ARHGAP32: variants seen among roughly 807,000 people sequenced by gnomAD.
The protein encoded by ARHGAP32 is Rho GTPase activating protein 32, also known as rho GTPase-activating protein 32.
A neutral mutation model predicts 186.5 loss-of-function variants in ARHGAP32; 51 were observed. The observed-to-expected ratio is 0.27, with a 90% CI of 0.22 to 0.35. ARHGAP32 has a LOEUF of 0.35. Among genes scored for constraint, ARHGAP32 ranks in the 10% least tolerant of loss-of-function variants. ARHGAP32 has a pLI of 1.00. For synonymous variants in ARHGAP32, 950 were observed against 964.3 expected (o/e 0.99, Z 0.27); for missense variants, 2,186 against 2,623.5 (o/e 0.83, Z 3.64).
At chr11:129,006,013 T>C (rs1343779087) in intron 11 of ARHGAP32, among the ~76,000 whole-genome samples, 4 of 152,150 alleles carry the variant, frequency 2.6e-5, no homozygotes, top group Non-Finnish European at 4.4e-5. Flanking sequence ...CTGCTATTAA[T>C]ATATTCTGAT....
chr11:129,179,670 C>A (rs1944006305), intron 1 of ARHGAP32, among the ~76,000 whole-genome samples: 1 of 151,964 alleles, frequency 6.6e-6, no homozygotes, highest in East Asian at 1.9e-4. Flanking sequence ...TGGAAATCAT[C>A]ATTCTCAGTA....
chr11:129,153,643 A>C (rs957635640), intron 2 of ARHGAP32, among the ~76,000 whole-genome samples: 1 of 152,090 alleles, frequency 6.6e-6, no homozygotes, highest in Non-Finnish European at 1.5e-5. Context: ...GGTAAGGGAT[A>C]CCTATTCAAC....
chr11:129,181,553 C>CT (rs1229534013), intron 1 of ARHGAP32, among the ~76,000 whole-genome samples: 1 of 152,152 alleles, frequency 6.6e-6, no homozygotes, highest in Non-Finnish European at 1.5e-5. Flanking sequence ...TGTAAAGCCT[C>CT]TTAAAATACA....
chr11:129,264,398 T>C (rs1945364760), intron 1 of ARHGAP32, among the ~76,000 whole-genome samples: 1 of 152,200 alleles, frequency 6.6e-6, no homozygotes, highest in Non-Finnish European at 1.5e-5. Flanking sequence ...TATGTATATT[T>C]TACTGCAATA....
upstream of ARHGAP32, among the ~76,000 whole-genome samples, chr11:129,193,970 T>A (rs916810068): frequency 1.1e-4 from 16 of 150,984 alleles, no homozygotes; most frequent in Non-Finnish European, 2.9e-5. Context: ...AAAAATATAA[T>A]ACTCAGAGAT....
chr11:129,033,582 T>C (rs189775807), intron 11 of ARHGAP32, among the ~76,000 whole-genome samples: 28 of 152,318 alleles, frequency 1.8e-4, no homozygotes, highest in African/African-American at 6.0e-4. Context: ...TAAGGGCATA[T>C]TATGATAAAG....
At chr11:128,997,361 T>C (rs999633466) in intron 12 of ARHGAP32, among the ~76,000 whole-genome samples, 2 of 152,216 alleles carry the variant, frequency 1.3e-5, no homozygotes, top group African/African-American at 2.4e-5. Flanking sequence ...TCCACTGATA[T>C]TCTTTAAACA....
At chr11:129,259,469 A>G (rs1945294363) in intron 1 of ARHGAP32, among the ~76,000 whole-genome samples, 1 of 152,140 alleles carries the variant, frequency 6.6e-6, no homozygotes, top group Non-Finnish European at 1.5e-5. Context: ...TCTCTCACAC[A>G]CACACAAAAA....
At chr11:129,211,372 T>A (rs1362344629) in intron 1 of ARHGAP32, among the ~76,000 whole-genome samples, 1 of 152,186 alleles carries the variant, frequency 6.6e-6, no homozygotes, top group Non-Finnish European at 1.5e-5. Flanking sequence ...AACAATTGTA[T>A]AAAAATGTTT....
chr11:128,977,210 T>C (rs1022388192), intron 19 of ARHGAP32, among the ~76,000 whole-genome samples: 1 of 152,164 alleles, frequency 6.6e-6, no homozygotes, highest in Non-Finnish European at 1.5e-5. Context: ...GGAAAAAAAT[T>C]CTGTTGTTTT....
At chr11:129,243,102 T>C (rs1945042114) in intron 1 of ARHGAP32, among the ~76,000 whole-genome samples, 1 of 152,192 alleles carries the variant, frequency 6.6e-6, no homozygotes, top group African/African-American at 2.4e-5. Flanking sequence ...AAATGAATGT[T>C]TCACTGGCAA....
chr11:129,017,354 A>C (rs1254250846), intron 11 of ARHGAP32, among the ~76,000 whole-genome samples: 1 of 151,422 alleles, frequency 6.6e-6, no homozygotes, highest in East Asian at 1.9e-4. Context: ...CTCAGCAGGC[A>C]GGAGAATCAT....
chr11:129,064,312 C>T (rs1382283788), intron 8 of ARHGAP32, among the ~76,000 whole-genome samples: 1 of 152,046 alleles, frequency 6.6e-6, no homozygotes, highest in African/African-American at 2.4e-5. Context: ...AGATTCAATA[C>T]TTTTTCCAAG....
At chr11:128,980,527 C>A (rs1256540956) in intron 18 of ARHGAP32, 26 bp downstream of exon 18, 1 of 1,558,014 alleles carries the variant, frequency 6.4e-7, no homozygotes. Context: ...AAATCATATC[C>A]CAAAATAGGA....
chr11:129,020,751 C>T (rs1456345304), intron 11 of ARHGAP32, among the ~76,000 whole-genome samples: 1 of 152,050 alleles, frequency 6.6e-6, no homozygotes, highest in Non-Finnish European at 1.5e-5. Context: ...CCTTGGGCTT[C>T]ATTCCCCACT....
intron 1 of ARHGAP32, among the ~76,000 whole-genome samples, chr11:129,184,628 T>A (rs1166581353): frequency 6.6e-6 from 1 of 151,846 alleles, no homozygotes; most frequent in Non-Finnish European, 1.5e-5. Context: ...GCAAAGGCAA[T>A]AATAGGAAAC....
At chr11:129,129,457 G>A (rs1039439757) in intron 2 of ARHGAP32, among the ~76,000 whole-genome samples, 1 of 151,832 alleles carries the variant, frequency 6.6e-6, no homozygotes, top group African/African-American at 2.4e-5. Context: ...TCTGGGAGGT[G>A]GGGGGCGCCT....
intron 6 of ARHGAP32, among the ~76,000 whole-genome samples, chr11:129,080,853 A>G (rs756206091): frequency 2.6e-5 from 4 of 152,062 alleles, no homozygotes; most frequent in African/African-American, 4.8e-5. Context: ...TCACTAGACC[A>G]TTGGCAATAT....
intron 16 of ARHGAP32, 52 bp from the exon 17 acceptor site, chr11:128,981,613 G>A (rs1224413302): frequency 6.5e-7 from 1 of 1,548,624 alleles, no homozygotes. Flanking sequence ...AGTCGTCAAG[G>A]GCCTCTTTTT....
Sources: allele counts gnomAD v4.1 joint callset (sites outside exome capture counted in the v4.1 genomes callset), GRCh38; gene constraint gnomAD v4.1.1; transcripts MANE v1.5; gene names NCBI Gene and HGNC (gene_info 2026-07-23, HGNC 2026-07-21).